Variants in PCDHGA5 observed in about 807,000 individuals in gnomAD.
PCDHGA5 encodes protocadherin gamma-A5.
A neutral mutation model predicts 56.7 loss-of-function variants in PCDHGA5; 36 were observed. That is an observed-to-expected ratio of 0.64 (90% CI 0.49 to 0.84). The LOEUF (loss-of-function observed/expected upper bound fraction) is 0.84. Among genes scored for constraint, PCDHGA5 ranks in the 40% least tolerant of loss-of-function variants. PCDHGA5 has a pLI of 0.00. For missense variants in PCDHGA5, 1,305 were observed against 1,201.5 expected, an observed-to-expected ratio of 1.09 and a Z score of -1.27; for synonymous variants, 563 against 520.2, an observed-to-expected ratio of 1.08 and a Z score of -1.12.
At chr5:141,423,167 T>C in intron 1 of PCDHGA5, 1 of 1,613,424 alleles carries the variant, frequency 6.2e-7, no homozygotes, top group Non-Finnish European at 8.5e-7. Context: ...GTGGTGGCCG[T>C]CCAGGACCAC....
At chr5:141,390,462 A>C in intron 1 of PCDHGA5, 1 of 732,308 alleles carries the variant, frequency 1.4e-6, no homozygotes, top group South Asian at 2.0e-5. Context: ...AAGTAGGAGC[A>C]ATTGTGTGGC....
chr5:141,489,428 G>C lies in PCDHGA5; in HGVS notation c.2422-5379G>C, dbSNP rs561792279. The C allele has an allele frequency of 1.2e-6, 2 of 1,613,994 alleles. No individual in the cohort carries two copies. Among genetic ancestry groups the C allele is most frequent in the Non-Finnish European group, 1.7e-6 (2 of 1,180,038 alleles). On this transcript the variant is annotated intron_variant, in intron 1 of 3. Coordinates refer to ENST00000518069, the MANE Select transcript of PCDHGA5 (RefSeq NM_018918.3). This position sits in a 1 kb window ranked among gnomAD's most constrained non-coding sequence, Gnocchi z 4.5. The stretch of plus-strand genomic sequence containing the variant: ...AAGATGACAGATCTGTTGAGCCGGC[G>C]GCTGCAATTGGGCTCTGAGGAGAAT...
Position 141,477,395 on chromosome 5 carries a change from A to G in PCDHGA5, c.2422-17412A>G. The G allele has an allele frequency of 1.9e-6, 3 of 1,614,126 alleles. No individual in the cohort carries two copies. The highest frequency in any genetic ancestry group is 1.3e-5 in the African/African-American group (1 of 75,020). ...GACTGTGCCAGAATACAACCTCAGC[A>G]TCACCGCCCGAGACGCCGGAACCCC... On this transcript the variant is annotated intron_variant, in intron 1 of 3. Transcript: ENST00000518069. The surrounding 1 kb of genome is among the most constrained non-coding windows in gnomAD (Gnocchi z 4.9).
chr5:141,383,961 C>CT, intron 1 of PCDHGA5: 1 of 1,613,356 alleles, frequency 6.2e-7, no homozygotes, highest in Non-Finnish European at 8.5e-7. Context: ...CTTTAAGTAG[C>CT]TCAATCCCTG....
chr5:141,414,578 A>G, intron 1 of PCDHGA5: 1 of 1,613,960 alleles, frequency 6.2e-7, no homozygotes, highest in Non-Finnish European at 8.5e-7. Context: ...ATCCCAGAGA[A>G]CAACGCCAGG....
intron 1 of PCDHGA5, among the ~76,000 whole-genome samples, chr5:141,482,988 G>A (rs982148755): frequency 2.6e-5 from 4 of 152,112 alleles, no homozygotes; most frequent in South Asian, 2.1e-4. Context: ...GAGAGGTCGA[G>A]GCAGGAGAAT....
chr5:141,409,769 G>A (rs1413636372), intron 1 of PCDHGA5: 19 of 1,612,658 alleles, frequency 1.2e-5, no homozygotes, highest in Non-Finnish European at 1.5e-5. Context: ...CTTTGATCAC[G>A]AGCAGCTGCG....
Position 141,477,917 on chromosome 5 carries a change from G to C in PCDHGA5, c.2422-16890G>C. 6.2e-7 allele frequency: 1 copy of C among 1,614,186 alleles called. No individual in the cohort carries two copies. The highest frequency in any genetic ancestry group is 2.2e-5 in the East Asian group (1 of 44,868). On this transcript the variant is annotated intron_variant, in intron 1 of 3. Transcript: ENST00000518069. The surrounding 1 kb of genome is among the most constrained non-coding windows in gnomAD (Gnocchi z 4.9). ...GGTGGTAGGCTGGGACGCGGATGCA[G>C]GGCACAATGCCTGGCTCTCCTACAG...
chr5:141,419,872 A>G (rs1354880437), intron 1 of PCDHGA5: 1 of 1,614,094 alleles, frequency 6.2e-7, no homozygotes, highest in Admixed American at 1.7e-5. Flanking sequence ...TGCAAGAGGT[A>G]CTGCCGGATT....
intron 1 of PCDHGA5, chr5:141,478,623 G>GT (rs1337268572): frequency 1.3e-5 from 20 of 1,554,356 alleles, no homozygotes; most frequent in Admixed American, 3.9e-5. Flanking sequence ...GAATGGAGCT[G>GT]TTTTTTTAGT....
chr5:141,412,931 T>C (rs1010992022), intron 1 of PCDHGA5: 5 of 453,108 alleles, frequency 1.1e-5, no homozygotes, highest in African/African-American at 2.0e-5. Flanking sequence ...CAGTAACTTC[T>C]TAGGACTCTG....
intron 1 of PCDHGA5, among the ~76,000 whole-genome samples, chr5:141,444,402 C>A (rs916833331): frequency 6.6e-6 from 1 of 151,932 alleles, no homozygotes; most frequent in Admixed American, 6.6e-5. Flanking sequence ...AACTCCCAAC[C>A]TCAGGTGATC....
rs1382364867 is a variant in PCDHGA5, at chr5:141,374,132, C to A, written c.2421+7381C>A. 2.5e-6 allele frequency: 4 copies of A among 1,605,166 alleles called. No homozygotes were observed. The highest frequency in any genetic ancestry group is 3.4e-6 in the Non-Finnish European group (4 of 1,174,350). On this transcript the variant is annotated intron_variant, in intron 1 of 3. Transcript: ENST00000518069. ...GCAGCGCAGCGAGCAGGTCCTGCTC[C>A]TCACGCTCCTGGGGACGCTGTGGGG...
Position 141,491,733 on chromosome 5 carries a change from TG to T in PCDHGA5, c.2422-3069del. 6.2e-7 allele frequency: 1 copy of T among 1,602,698 alleles called. No individual in the cohort carries two copies. Among genetic ancestry groups the T allele is most frequent in the Non-Finnish European group, 8.5e-7 (1 of 1,175,258 alleles). On this transcript the variant is annotated intron_variant, in intron 1 of 3. Coordinates refer to ENST00000518069, the MANE Select transcript of PCDHGA5 (RefSeq NM_018918.3). This position sits in a 1 kb window ranked among gnomAD's most constrained non-coding sequence, Gnocchi z 6.9. ...GCTCGGCGCCGCCCCGGGCGACCCC[TG>T]GGGGCGGCACTGGAGAAGCCGCCCG...
At chr5:141,395,547 TGTGTGTG>T (rs1561655273) in intron 1 of PCDHGA5, 9,050 of 174,290 alleles carry the variant, frequency 0.052, 489 homozygotes, top group Middle Eastern at 0.08. Context: ...ATTGTTTGTG[TGTGTGTG>T]TGTGTGTGTG....
rs2233612 is a variant in PCDHGA5 at position 141,511,014 on chromosome 5, A to G, written c.2637A>G (p.Gly879=). 8.6e-4 allele frequency: 1,386 copies of G among 1,614,082 alleles called. 14 individuals are homozygous for G. The African/African-American group carries it at 0.017, about 20-fold the overall frequency. The change falls in exon 4 of 4, where the codon GGA becomes GGG. Residue 879 remains glycine, a synonymous_variant. Coordinates refer to ENST00000518069, the MANE Select transcript of PCDHGA5 (RefSeq NM_018918.3). ...AGTMGLSARY[G]PQFTLQHVPD... ...CCATGGGATTGAGCGCCCGCTACGG[A>G]CCCCAGTTCACCCTGCAGCACGTGC...
chr5:141,366,448 C>T lies in PCDHGA5; in HGVS notation c.2118C>T (p.Ala706=), dbSNP rs758717804. 3 of 1,614,124 alleles carry T rather than the reference C, an allele frequency of 1.9e-6. No individual in the cohort carries two copies. The highest frequency in any genetic ancestry group is 1.1e-5 in the South Asian group (1 of 91,094). ...AVAAVSCVFL[A]FVIVLLVLRL... ...CTGCAGTCTCCTGCGTCTTCCTGGC[C>T]TTCGTCATCGTGCTGCTGGTGCTCA... The change falls in exon 1 of 4, where the codon GCC becomes GCT. Residue 706 remains alanine (A), a synonymous_variant. Coordinates refer to ENST00000518069, the MANE Select transcript of PCDHGA5 (RefSeq NM_018918.3).
rs2099697431 is a variant in PCDHGA5 at position 141,490,222 on chromosome 5, C to T, written c.2422-4585C>T. The T allele has an allele frequency of 6.2e-7, 1 of 1,614,094 alleles. No homozygotes were observed. Among genetic ancestry groups the T allele is most frequent in the African/African-American group, 1.3e-5 (1 of 74,934 alleles). On this transcript the variant is annotated intron_variant, in intron 1 of 3. Coordinates refer to ENST00000518069, the MANE Select transcript of PCDHGA5 (RefSeq NM_018918.3). This position sits in a 1 kb window ranked among gnomAD's most constrained non-coding sequence, Gnocchi z 5.4. The stretch of plus-strand genomic sequence containing the variant: ...TGCAAGAGCCCGTGACCAGGGACAG[C>T]CTGCCATGGAGGGCCACTGTGTGAT...
chr5:141,431,333 C>G lies in PCDHGA5; in HGVS notation c.2422-63474C>G. 1.2e-6 allele frequency: 2 copies of G among 1,614,058 alleles called. No individual in the cohort carries two copies. The highest frequency in any genetic ancestry group is 2.2e-5 in the South Asian group (2 of 91,088). Reference sequence around the variant, plus strand: ...AAATGGAGCCGACGGTAGTAAGTACCCCGAATTGGTGCTGAAACGCGCCCT... The same window carrying G: ...AAATGGAGCCGACGGTAGTAAGTACGCCGAATTGGTGCTGAAACGCGCCCT... On this transcript the variant is annotated intron_variant, in intron 1 of 3. Coordinates refer to ENST00000518069, the MANE Select transcript of PCDHGA5 (RefSeq NM_018918.3). The surrounding 1 kb of genome is among the most constrained non-coding windows in gnomAD (Gnocchi z 4.8).
Sources: allele counts gnomAD v4.1 joint callset (sites outside exome capture counted in the v4.1 genomes callset), GRCh38; gene constraint gnomAD v4.1.1; non-coding constraint Gnocchi (gnomAD v3.1); transcripts MANE v1.5; gene names NCBI Gene and HGNC (gene_info 2026-07-23, HGNC 2026-07-21).